The following SLC16A12 variants were observed in gnomAD, a reference collection of about 807,000 sequenced individuals.
SLC16A12 encodes the protein solute carrier family 16 member 12.
In SLC16A12, 17 loss-of-function variants were observed where a neutral mutation model predicts 42.4. That is an observed-to-expected ratio of 0.40 (90% confidence interval 0.27 to 0.60). The LOEUF is 0.60. Among genes scored for constraint, SLC16A12 ranks in the 20% least tolerant of loss-of-function variants. The pLI, the probability that SLC16A12 is intolerant of heterozygous loss-of-function variation, is 0.42. For synonymous variants in SLC16A12, 224 were observed against 229.4 expected (o/e 0.98, Z 0.21); for missense variants, 544 against 623.0 (o/e 0.87, Z 1.35).
chr10:89,453,826 G>A (rs1256968811), intron 3 of SLC16A12, among the ~76,000 whole-genome samples: 1 of 151,910 alleles, frequency 6.6e-6, no homozygotes, highest in Non-Finnish European at 1.5e-5. Flanking sequence ...TGTTGTGGGG[G>A]GCTTTCTTGC....
intron 1 of SLC16A12, among the ~76,000 whole-genome samples, 160 bp from the exon 2 acceptor site, chr10:89,534,800 G>A (rs1463751202): frequency 1.3e-5 from 2 of 152,114 alleles, no homozygotes; most frequent in Non-Finnish European, 2.9e-5. Flanking sequence ...CTGCACTCCA[G>A]CCTGGGCGAC....
rs764282225 is a variant in SLC16A12, at chr10:89,438,988, A to C, written c.644T>G (p.Leu215Trp). Residue 215 changes from leucine (L) to tryptophan (W), a missense_variant, in exon 6 of 8, where the codon TTG becomes TGG. Physicochemically the swap from Leu to Trp is moderately conservative, Grantham distance 61. Transcript: ENST00000371790. ...CAAGGCACCACATACACAGAGATTC[A>C]AGACAAAGCCCCCAAGAATGAGTAA... ...GALLILGGFV[L>W]NLCVCGALMR... 5.6e-6 allele frequency: 9 copies of C among 1,614,094 alleles called. No homozygotes were observed. In the Admixed American group the frequency reaches 1.5e-4, roughly 27 times the overall value.
intron 3 of SLC16A12, among the ~76,000 whole-genome samples, chr10:89,459,676 C>T (rs558786910): frequency 6.6e-6 from 1 of 152,144 alleles, no homozygotes; most frequent in Non-Finnish European, 1.5e-5. Flanking sequence ...CATGGTGCCT[C>T]GCCCCTATAA....
At chr10:89,488,013 A>G (rs571770927) in intron 2 of SLC16A12, among the ~76,000 whole-genome samples, 13 of 143,730 alleles carry the variant, frequency 9.0e-5, no homozygotes, top group Non-Finnish European at 1.5e-4. Flanking sequence ...CACATTTATT[A>G]TACCATATTA....
chr10:89,515,359 G>C (rs1332223467), intron 2 of SLC16A12, among the ~76,000 whole-genome samples: 1 of 152,154 alleles, frequency 6.6e-6, no homozygotes, highest in Non-Finnish European at 1.5e-5. Flanking sequence ...TCCTGAAACA[G>C]GAATCCATGC....
Position 89,531,316 on chromosome 10 carries a change from T to C in SLC16A12, c.-47+3185A>G, listed in dbSNP as rs549837903. The stretch of plus-strand genomic sequence containing the variant: ...CAGGAGGCTGAGGTGGGAAAATTAC[T>C]TGAACCAGGGAGGCGGATGTTGCAG... On this transcript the variant is annotated intron_variant, in intron 2 of 7. Transcript: ENST00000371790. Among the ~76,000 whole-genome samples the C allele has an allele frequency of 4.6e-5, 7 of 152,148 alleles. No homozygotes were observed. In the East Asian group the frequency reaches 1.4e-3, roughly 29 times the overall value.
chr10:89,450,441 T>C (rs1432563528), intron 3 of SLC16A12, among the ~76,000 whole-genome samples: 1 of 152,156 alleles, frequency 6.6e-6, no homozygotes, highest in Non-Finnish European at 1.5e-5. Flanking sequence ...TAAAAAAGGA[T>C]GAGTTCATGT....
chr10:89,447,993 A>C (rs1336020509), intron 3 of SLC16A12, among the ~76,000 whole-genome samples: 1 of 151,862 alleles, frequency 6.6e-6, no homozygotes, highest in African/African-American at 2.4e-5. Flanking sequence ...ACCTCTATGC[A>C]AATAAACTAG....
intron 2 of SLC16A12, among the ~76,000 whole-genome samples, chr10:89,530,270 C>T (rs1274935988): frequency 6.6e-6 from 1 of 152,118 alleles, no homozygotes; most frequent in East Asian, 1.9e-4. Flanking sequence ...ATCACTATGC[C>T]ACACCTAAGT....
At chr10:89,533,557 C>T (rs1440253511) in intron 2 of SLC16A12, among the ~76,000 whole-genome samples, 1 of 152,054 alleles carries the variant, frequency 6.6e-6, no homozygotes, top group Non-Finnish European at 1.5e-5. Flanking sequence ...TAAAACACTT[C>T]AACACTATAA....
chr10:89,437,682 A>C (rs1841825728), intron 6 of SLC16A12, among the ~76,000 whole-genome samples: 1 of 152,176 alleles, frequency 6.6e-6, no homozygotes, highest in South Asian at 2.1e-4. Flanking sequence ...TATTCATAAC[A>C]CTGGAGAATG....
At chr10:89,498,345 A>G (rs1044657671) in intron 2 of SLC16A12, among the ~76,000 whole-genome samples, 5 of 151,938 alleles carry the variant, frequency 3.3e-5, no homozygotes, top group African/African-American at 1.2e-4. Context: ...AGAAGAGAAG[A>G]GAAGGAAACA....
chr10:89,464,525 G>A (rs558583866), intron 2 of SLC16A12, among the ~76,000 whole-genome samples: 6 of 152,244 alleles, frequency 3.9e-5, no homozygotes, highest in South Asian at 2.1e-4. Context: ...ATCACTGGAC[G>A]AAATATTAAC....
chr10:89,542,306 CTT>C (rs200847363), intron 2 of SLC16A12, among the ~76,000 whole-genome samples: 11 of 136,972 alleles, frequency 8.0e-5, no homozygotes, highest in Admixed American at 1.5e-4. Flanking sequence ...CTTTTTTTTT[CTT>C]TTTTTTTTTT....
intron 2 of SLC16A12, among the ~76,000 whole-genome samples, chr10:89,507,258 A>C (rs183536524): frequency 0.016 from 2,376 of 152,294 alleles, 29 homozygotes; most frequent in Non-Finnish European, 0.024. Context: ...GAGCAACCCC[A>C]AAACACAAAA....
intron 3 of SLC16A12, among the ~76,000 whole-genome samples, chr10:89,445,028 C>A (rs866634763): frequency 6.6e-6 from 1 of 152,254 alleles, no homozygotes; most frequent in South Asian, 2.1e-4. Flanking sequence ...AACTGTGAGG[C>A]GGCAGCCCGG....
chr10:89,523,636 A>G (rs898205066), intron 2 of SLC16A12, among the ~76,000 whole-genome samples: 2 of 146,342 alleles, frequency 1.4e-5, no homozygotes, highest in Non-Finnish European at 3.0e-5. Context: ...ATGTTGTGTC[A>G]TCATTCCTTC....
intron 2 of SLC16A12, among the ~76,000 whole-genome samples, chr10:89,507,031 A>G (rs1843073893): frequency 6.6e-6 from 1 of 152,196 alleles, no homozygotes; most frequent in Non-Finnish European, 1.5e-5. Flanking sequence ...TAGAGAAAAA[A>G]GAGTGAAAAG....
chr10:89,455,996 C>T (rs996768540), intron 3 of SLC16A12: 1 of 152,340 alleles, frequency 6.6e-6, no homozygotes, highest in East Asian at 1.9e-4. Context: ...AAAATACCTT[C>T]TCTCAGAGGC....
Sources: allele counts gnomAD v4.1 joint callset (sites outside exome capture counted in the v4.1 genomes callset), GRCh38; gene constraint gnomAD v4.1.1; transcripts MANE v1.5; gene names NCBI Gene and HGNC (gene_info 2026-07-23, HGNC 2026-07-21).